Variants in CD5 observed in about 807,000 individuals in gnomAD.
CD5 encodes the protein T-cell surface glycoprotein CD5.
A neutral mutation model predicts 60.3 loss-of-function variants in CD5; 36 were observed. That is an observed-to-expected ratio of 0.60 (90% CI 0.46 to 0.79). The LOEUF (loss-of-function observed/expected upper bound fraction) is 0.79. Ranked by LOEUF, CD5 falls within the 30% of genes least tolerant of loss-of-function variation. CD5 has a pLI of 0.00. For missense variants in CD5, 540 were observed against 630.6 expected (o/e 0.86, Z 1.54); for synonymous variants, 230 against 257.6 (o/e 0.89, Z 1.03).
At chr11:61,104,110 T>TGTGG (rs1860744282) in intron 1 of CD5, among the ~76,000 whole-genome samples, 1 of 120,166 alleles carries the variant, frequency 8.3e-6, no homozygotes, top group South Asian at 2.8e-4. Flanking sequence ...GAGTACTGTG[T>TGTGG]GGGGGGAATG....
chr11:61,125,268 G>A (rs1400736303), intron 9 of CD5, 117 bp downstream of exon 9: 2 of 1,114,374 alleles, frequency 1.8e-6, no homozygotes, highest in African/African-American at 3.1e-5. Flanking sequence ...GGAGACCCCA[G>A]GGTGCAAGGG....
rs1861163097 is a variant in CD5, at chr11:61,127,340, C to T, written c.*1055C>T. On this transcript the variant is annotated 3_prime_UTR_variant, in exon 11 of 11. Transcript: ENST00000347785. ...AGGCGCAGCTCACTGCGGCGGCTCC[C>T]TAAGAAGGTGAAGCAACATGGGAAC... 2.3e-5 allele frequency: 3 copies of T among 132,956 alleles called. No homozygotes were observed. The highest frequency in any genetic ancestry group is 8.4e-5 in the African/African-American group (3 of 35,850). The allele number at this position is 132,956 out of a possible 1,614,324, so 8.2% of individuals were successfully genotyped here. A position where few individuals can be genotyped will look rare whatever the true frequency, so the allele number is the denominator to read the frequency against.
chr11:61,101,611 C>T (rs559627156), upstream of CD5, among the ~76,000 whole-genome samples: 16 of 150,054 alleles, frequency 1.1e-4, no homozygotes, highest in Non-Finnish European at 2.1e-4. Flanking sequence ...ACATGGAAAT[C>T]ACACACACAT....
intron 1 of CD5, among the ~76,000 whole-genome samples, chr11:61,102,864 C>T (rs1213267079): frequency 6.6e-6 from 1 of 152,212 alleles, no homozygotes; most frequent in Admixed American, 6.5e-5. Flanking sequence ...CCTGCTTTAC[C>T]CTTCCAGTGC....
chr11:61,099,424 T>C (rs1468433190), upstream of CD5, among the ~76,000 whole-genome samples: 4 of 63,456 alleles, frequency 6.3e-5, no homozygotes, highest in Non-Finnish European at 8.6e-5. Flanking sequence ...CACATCAACA[T>C]GGAGATCACA....
intron 1 of CD5, among the ~76,000 whole-genome samples, chr11:61,109,919 G>A (rs932442490): frequency 2.6e-5 from 4 of 152,076 alleles, no homozygotes; most frequent in South Asian, 2.1e-4. Flanking sequence ...ATAAGGAAAC[G>A]GCATAGCACT....
At chr11:61,125,951 T>C in intron 10 of CD5, 110 bp downstream of exon 10, 1 of 527,120 alleles carries the variant, frequency 1.9e-6, no homozygotes, top group African/African-American at 1.9e-5. Context: ...CATACATGAA[T>C]AGGGGACCCC....
chr11:61,114,570 G>A lies in CD5; in HGVS notation c.56-486G>A, dbSNP rs145227420. Among the ~76,000 whole-genome samples the A allele has an allele frequency of 3.7e-3, 559 of 152,292 alleles. 2 individuals are homozygous for A. Among genetic ancestry groups the A allele is most frequent in the Middle Eastern group, 0.017 (5 of 294 alleles). On this transcript the variant is annotated intron_variant, in intron 1 of 10. Transcript: ENST00000347785. The stretch of plus-strand genomic sequence containing the variant: ...GTGGGAGGATTCTTTGAGCCAGGGA[G>A]GTTGAGGCTGCAGTGAGCTGTGATC...
At position 61,119,123 on chromosome 11, in the gene CD5, A is replaced by G; in HGVS notation, c.464-111A>G. On this transcript the variant is annotated intron_variant, in intron 4 of 10. Coordinates refer to ENST00000347785, the MANE Select transcript of CD5 (RefSeq NM_014207.4). ...ATATTTGGGACCCCATCACCTCCCAAGGCTAAGCGTTAGTCAGTAGTTGTC... is the reference window on the plus strand; with the variant it reads ...ATATTTGGGACCCCATCACCTCCCAGGGCTAAGCGTTAGTCAGTAGTTGTC... The G allele has an allele frequency of 3.3e-6, 4 of 1,212,814 alleles. No homozygotes were observed. The South Asian group carries it at 4.3e-5, about 13-fold the overall frequency. The allele number at this position is 1,212,814 out of a possible 1,614,324, so 75.1% of individuals were successfully genotyped here.
chr11:61,100,074 C>CAT (rs1491328419), upstream of CD5, among the ~76,000 whole-genome samples: 8 of 137,432 alleles, frequency 5.8e-5, no homozygotes, highest in Middle Eastern at 5.0e-3. Flanking sequence ...ATGGAGATCA[C>CAT]TCACACACAT....
upstream of CD5, among the ~76,000 whole-genome samples, chr11:61,100,539 A>C (rs188865112): frequency 1.0e-3 from 153 of 147,498 alleles, no homozygotes; most frequent in Non-Finnish European, 1.8e-3. Flanking sequence ...ACATTCACAC[A>C]CATAAACATG....
At chr11:61,100,632 ACAT>A (rs1273111894), upstream of CD5, among the ~76,000 whole-genome samples, 1 of 62,772 alleles carries the variant, frequency 1.6e-5, no homozygotes, top group Non-Finnish European at 2.7e-5. Flanking sequence ...TCACACACAC[ACAT>A]CAACATGGAG....
At position 61,119,217 on chromosome 11, in the gene CD5, G is replaced by T; in HGVS notation, c.464-17G>T. 1 of 1,567,340 alleles carries T rather than the reference G, an allele frequency of 6.4e-7. No homozygotes were observed. The highest frequency in any genetic ancestry group is 8.6e-7 in the Non-Finnish European group (1 of 1,157,896). ...GGCGCTCAGGGTGGCTCCCCCTCCTGCTCTCTCCTCTCCTAGCTCCTCCCA... is the reference window on the plus strand; with the variant it reads ...GGCGCTCAGGGTGGCTCCCCCTCCTTCTCTCTCCTCTCCTAGCTCCTCCCA... On this transcript the variant is annotated splice_polypyrimidine_tract_variant and intron_variant, in intron 4 of 10. Coordinates refer to ENST00000347785, the MANE Select transcript of CD5 (RefSeq NM_014207.4).
At chr11:61,111,906 C>G (rs193127667) in intron 1 of CD5, among the ~76,000 whole-genome samples, 1 of 152,236 alleles carries the variant, frequency 6.6e-6, no homozygotes, top group East Asian at 1.9e-4. Flanking sequence ...ATCTTCACAA[C>G]GGCTCTAGAA....
At chr11:61,119,683 G>A (rs1016957698) in intron 5 of CD5, 108 bp downstream of exon 5, 23 of 772,824 alleles carry the variant, frequency 3.0e-5, no homozygotes, top group Non-Finnish European at 4.3e-5. Flanking sequence ...GCACTATGGA[G>A]AATACAAGGG....
intron 5 of CD5, 72 bp downstream of exon 5, chr11:61,119,647 G>C (rs1267686774): frequency 1.8e-6 from 2 of 1,099,542 alleles, no homozygotes; most frequent in Non-Finnish European, 2.6e-6. Context: ...ATCCCAGAAG[G>C]TCAGGGAACA....
At chr11:61,101,889 A>G (rs1287322466), upstream of CD5, among the ~76,000 whole-genome samples, 1 of 149,348 alleles carries the variant, frequency 6.7e-6, no homozygotes, top group African/African-American at 2.5e-5. Flanking sequence ...CACACAAGTC[A>G]ACATGGAGAT....
In CD5 at chr11:61,115,091, C is replaced by T. The variant is rs1265993160; in HGVS notation, c.91C>T (p.Pro31Ser). ...SCLGRLSWYD[P>S]DFQARLTRSN... Reference sequence around the variant, plus strand: ...CCTCGGACGGCTCAGCTGGTATGACCCAGGTAAGGAAGAGCCACATGGAGA... The same window carrying T: ...CCTCGGACGGCTCAGCTGGTATGACTCAGGTAAGGAAGAGCCACATGGAGA... Residue 31 changes from proline to serine, a missense_variant, in exon 2 of 11, where the codon CCA becomes TCA. By Grantham distance (74) the Pro-to-Ser change is moderately conservative. Coordinates refer to ENST00000347785, the MANE Select transcript of CD5 (RefSeq NM_014207.4). 3.9e-6 allele frequency: 6 copies of T among 1,557,152 alleles called. No individual in the cohort carries two copies. Among genetic ancestry groups the T allele is most frequent in the Non-Finnish European group, 5.2e-6 (6 of 1,149,800 alleles).
upstream of CD5, among the ~76,000 whole-genome samples, chr11:61,099,530 ATT>A (rs1199859471): frequency 1.5e-4 from 8 of 52,578 alleles, no homozygotes; most frequent in South Asian, 2.5e-3. Context: ...TGGAGATCAC[ATT>A]CGCACACATC....
Sources: gnomAD v4.1 joint callset for allele counts (sites outside exome capture counted in the v4.1 genomes callset) on GRCh38, gnomAD v4.1.1 for gene constraint, MANE v1.5 for transcripts, NCBI Gene and HGNC (gene_info 2026-07-23, HGNC 2026-07-21) for gene names.